FARS2: variants seen among roughly 807,000 people sequenced by gnomAD.
FARS2 encodes the protein phenylalanine--tRNA ligase, mitochondrial.
In FARS2, 40 loss-of-function variants were observed where a neutral mutation model predicts 46.4. The ratio of observed to expected loss-of-function variants is 0.86; its 90% CI spans 0.67 to 1.12. The LOEUF is 1.12. Ranked by LOEUF, FARS2 falls within the 50% of genes most tolerant of loss-of-function variation. FARS2 has a pLI of 0.00. For missense variants in FARS2, 513 were observed against 567.9 expected, an observed-to-expected ratio of 0.90 and a Z score of 0.98; for synonymous variants, 234 against 214.9, an observed-to-expected ratio of 1.09 and a Z score of -0.78.
chr6:5,309,549 G>T (rs750871925), intron 1 of FARS2, among the ~76,000 whole-genome samples: 67 of 152,136 alleles, frequency 4.4e-4, no homozygotes, highest in Non-Finnish European at 7.6e-4. Context: ...TTGGAATTTC[G>T]TACTGTGCCT....
intron 4 of FARS2, among the ~76,000 whole-genome samples, chr6:5,533,725 A>G (rs997507001): frequency 1.3e-5 from 2 of 152,220 alleles, no homozygotes; most frequent in South Asian, 2.1e-4. Context: ...ACAATTTTCA[A>G]GTGGATGGCT....
chr6:5,423,915 C>G (rs1485860368), intron 3 of FARS2, among the ~76,000 whole-genome samples: 1 of 152,128 alleles, frequency 6.6e-6, no homozygotes, highest in Non-Finnish European at 1.5e-5. Context: ...GAAACAGAAT[C>G]AGTATTTGTA....
intron 5 of FARS2, among the ~76,000 whole-genome samples, chr6:5,555,399 T>C (rs1771601805): frequency 6.6e-6 from 1 of 152,130 alleles, no homozygotes; most frequent in African/African-American, 2.4e-5. Flanking sequence ...CCGATGAATG[T>C]GGTGGTCAAA....
intron 1 of FARS2, among the ~76,000 whole-genome samples, chr6:5,297,879 C>T (rs917343365): frequency 1.3e-5 from 2 of 152,110 alleles, no homozygotes; most frequent in African/African-American, 4.8e-5. Flanking sequence ...AGCAAATATG[C>T]GTTGGTTCCT....
intron 5 of FARS2, chr6:5,610,311 T>TTTA: frequency 1.0e-5 from 3 of 297,664 alleles, no homozygotes; most frequent in South Asian, 1.2e-4. Flanking sequence ...CAATTCTTTT[T>TTTA]AAAAAAAAAA....
Position 5,660,700 on chromosome 6 carries a change from T to C in FARS2, c.1217+47380T>C, listed in dbSNP as rs528204440. On this transcript the variant is annotated intron_variant, in intron 6 of 6. Transcript: ENST00000274680. ...AGTGAGCAGTGGAGTCAAGGTTGAG[T>C]GTGAGGCCAGGGAGAGAAGAGCATT... is the stretch of plus-strand genomic sequence containing the variant. 2.8e-5 allele frequency among the ~76,000 whole-genome samples: 4 copies of C among 142,818 alleles called. 1 individual carries two copies. Among genetic ancestry groups the C allele is most frequent in the African/African-American group, 1.0e-4 (4 of 38,148 alleles). 93.7% of individuals were successfully genotyped at this position (142,818 alleles called of 152,430 possible).
chr6:5,572,984 C>T (rs113257082), intron 5 of FARS2, among the ~76,000 whole-genome samples: 69 of 152,262 alleles, frequency 4.5e-4, no homozygotes, highest in African/African-American at 1.6e-3. Flanking sequence ...AGGAATAGAT[C>T]TTGAGTTCCT....
intron 6 of FARS2, among the ~76,000 whole-genome samples, chr6:5,708,695 C>G (rs1049561514): frequency 2.0e-5 from 3 of 152,112 alleles, no homozygotes; most frequent in East Asian, 1.9e-4. Context: ...GGGTTTTGCT[C>G]TTTTGCCCAG....
rs1188716501 is a variant in FARS2 at position 5,294,706 on chromosome 6, G to A, written c.-22+33046G>A. Among the ~76,000 whole-genome samples the A allele has an allele frequency of 4.6e-5, 7 of 152,154 alleles. 1 individual carries two copies. The highest frequency in any genetic ancestry group is 4.6e-4 in the Admixed American group (7 of 15,276). On this transcript the variant is annotated intron_variant, in intron 1 of 6. Transcript: ENST00000274680. ...GGTTTTTTATAAAGGATATTGCAAA[G>A]GATACAGACGGAGAGACGTGCAGGG...
intron 5 of FARS2, among the ~76,000 whole-genome samples, chr6:5,575,510 C>T (rs1332863920): frequency 6.6e-6 from 1 of 152,152 alleles, no homozygotes; most frequent in Non-Finnish European, 1.5e-5. Context: ...AGATCAAGAA[C>T]TTTTTCTTAC....
intron 1 of FARS2, among the ~76,000 whole-genome samples, chr6:5,284,891 T>A (rs1243495437): frequency 6.6e-6 from 1 of 152,186 alleles, no homozygotes. Flanking sequence ...CTCTCAAGCA[T>A]TGCTTAACAT....
intron 2 of FARS2, among the ~76,000 whole-genome samples, chr6:5,377,154 C>G (rs1271354700): frequency 6.6e-6 from 1 of 152,204 alleles, no homozygotes; most frequent in African/African-American, 2.4e-5. Flanking sequence ...GAAACTCTTA[C>G]AAATCCTGTG....
chr6:5,621,254 CT>C (rs112686629), intron 6 of FARS2, among the ~76,000 whole-genome samples: 583 of 142,272 alleles, frequency 4.1e-3, no homozygotes, highest in Middle Eastern at 7.5e-3. Context: ...ACTTGGCTAA[CT>C]TTTTTTTTTT....
Position 5,630,176 on chromosome 6 carries a change from C to T in FARS2, c.1217+16856C>T, listed in dbSNP as rs540248601. On this transcript the variant is annotated intron_variant, in intron 6 of 6. Transcript: ENST00000274680. The surrounding 1 kb of genome is among the most constrained non-coding windows in gnomAD (Gnocchi z 4.2). ...GGTGAGGAAAGGACCCGAGGGAACA[C>T]CAAGGTTTAAAGGATGGTGGAGACA... is the stretch of plus-strand genomic sequence containing the variant. 5.9e-4 allele frequency among the ~76,000 whole-genome samples: 90 copies of T among 152,078 alleles called. 1 individual carries two copies. The highest frequency in any genetic ancestry group is 1.9e-3 in the South Asian group (9 of 4,814).
intron 6 of FARS2, among the ~76,000 whole-genome samples, chr6:5,662,971 A>T (rs1163710568): frequency 6.6e-6 from 1 of 152,222 alleles, no homozygotes; most frequent in Non-Finnish European, 1.5e-5. Flanking sequence ...AATAAATTCT[A>T]TGATAGCATC....
In FARS2 at chr6:5,308,557, T is replaced by C. The variant is rs1768881331; in HGVS notation, c.-22+46897T>C. Among the ~76,000 whole-genome samples the C allele has an allele frequency of 2.0e-5, 3 of 152,206 alleles. No homozygotes were observed. In the South Asian group the frequency reaches 6.2e-4, roughly 31 times the overall value. Reference sequence around the variant, plus strand: ...ACACGGATTACCGGAAGAATGACCATGAGCTTGAATGTGACAGCAATGTCA... The same window carrying C: ...ACACGGATTACCGGAAGAATGACCACGAGCTTGAATGTGACAGCAATGTCA... On this transcript the variant is annotated intron_variant, in intron 1 of 6. Coordinates refer to ENST00000274680, the MANE Select transcript of FARS2 (RefSeq NM_006567.5).
intron 6 of FARS2, among the ~76,000 whole-genome samples, chr6:5,755,124 T>C (rs1446140598): frequency 6.6e-6 from 1 of 152,254 alleles, no homozygotes; most frequent in East Asian, 1.9e-4. Flanking sequence ...TCATTCTCCA[T>C]TCAGCTGTGT....
chr6:5,341,222 TATA>T (rs1771592715), intron 1 of FARS2, among the ~76,000 whole-genome samples: 2 of 7,262 alleles, frequency 2.8e-4, no homozygotes, highest in African/African-American at 9.3e-4. Context: ...TATATATATA[TATA>T]TATATATATA....
chr6:5,433,217 T>G (rs1246173559), intron 4 of FARS2, among the ~76,000 whole-genome samples: 4 of 152,146 alleles, frequency 2.6e-5, no homozygotes, highest in African/African-American at 9.7e-5. Flanking sequence ...AGCCTTGGCT[T>G]TCTCATGCTT....
Sources: gnomAD v4.1 joint callset for allele counts (sites outside exome capture counted in the v4.1 genomes callset) on GRCh38, gnomAD v4.1.1 for gene constraint, Gnocchi (gnomAD v3.1) non-coding constraint, MANE v1.5 for transcripts, NCBI Gene and HGNC (gene_info 2026-07-23, HGNC 2026-07-21) for gene names.